Variants in CRYBG1 observed in about 807,000 individuals in gnomAD.
CRYBG1 encodes the protein beta/gamma crystallin domain-containing protein 1.
Under a neutral mutation model 189.2 loss-of-function variants are expected in CRYBG1, and 139 were observed. That is an observed-to-expected ratio of 0.73 (90% CI 0.64 to 0.85). CRYBG1 has a LOEUF of 0.85. Ranked by LOEUF, CRYBG1 falls within the 40% of genes least tolerant of loss-of-function variation. The pLI, the probability that CRYBG1 is intolerant of heterozygous loss-of-function variation, is 0.00. For synonymous variants in CRYBG1, 1,023 were observed against 1,017.1 expected (o/e 1.01, Z -0.11); for missense variants, 2,611 against 2,675.8 (o/e 0.98, Z 0.53).
In CRYBG1 at chr6:106,520,557, A is replaced by C. The variant is rs1413345992; in HGVS notation, c.3349A>C (p.Ser1117Arg). The C allele has an allele frequency of 6.2e-7, 1 of 1,614,026 alleles. No homozygotes were observed. Among genetic ancestry groups the C allele is most frequent in the African/African-American group, 1.3e-5 (1 of 74,934 alleles). ...KFTEIIKQMD[S>R]AVCMPMKRKK... ...CACTGAAATTATAAAACAGATGGAT[A>C]GCGCAGTTTGTATGCCCATGAAAAG... is the stretch of plus-strand genomic sequence containing the variant. The change falls in exon 4 of 22, where the codon AGC (serine) becomes CGC (arginine). Residue 1117 changes from serine to arginine, a missense_variant. Physicochemically the swap from Ser to Arg is moderately radical, Grantham distance 110. This residue lies in a region of CRYBG1 where 1,622 missense variants were observed against 1,735.0 expected (regional missense o/e 0.93). Transcript: ENST00000633556.
intron 8 of CRYBG1, among the ~76,000 whole-genome samples, chr6:106,536,565 G>T (rs1363327377): frequency 6.6e-6 from 1 of 152,334 alleles, no homozygotes; most frequent in East Asian, 1.9e-4. Flanking sequence ...TTAAGAGCAA[G>T]TGAACAAGAT....
At chr6:106,524,363 C>G (rs549136935) in intron 4 of CRYBG1, among the ~76,000 whole-genome samples, 4 of 151,910 alleles carry the variant, frequency 2.6e-5, no homozygotes, top group African/African-American at 9.7e-5. Flanking sequence ...GAGATCGAGA[C>G]CATCCTAGCC....
At chr6:106,394,980 C>A (rs1353297206) in intron 1 of CRYBG1, among the ~76,000 whole-genome samples, 1 of 151,502 alleles carries the variant, frequency 6.6e-6, no homozygotes, top group African/African-American at 2.4e-5. Context: ...CTCAGCCTCC[C>A]AAGTAGCTGG....
chr6:106,541,323 A>G lies in CRYBG1; in HGVS notation c.4846-263A>G, dbSNP rs538553441. On this transcript the variant is annotated intron_variant, in intron 9 of 21. Coordinates refer to ENST00000633556, the MANE Select transcript of CRYBG1 (RefSeq NM_001371242.2). ...ATGGATTTTTATGATAAATTTTCCAAGTTAAAAAAACTTGCTAGGTCAAAA... is the reference window on the plus strand; with the variant it reads ...ATGGATTTTTATGATAAATTTTCCAGGTTAAAAAAACTTGCTAGGTCAAAA... The G allele has an allele frequency of 2.6e-5, 16 of 617,390 alleles. No individual in the cohort carries two copies. The East Asian group carries it at 5.6e-4, about 21-fold the overall frequency. 38.2% of individuals were successfully genotyped at this position (617,390 alleles called of 1,614,324 possible).
chr6:106,399,865 G>A (rs538799232), intron 1 of CRYBG1, among the ~76,000 whole-genome samples: 42 of 151,656 alleles, frequency 2.8e-4, no homozygotes, highest in Non-Finnish European at 1.5e-4. Flanking sequence ...GGCCGGGTGC[G>A]GTGGCTCACA....
chr6:106,519,147 CAT>C lies in CRYBG1; in HGVS notation c.1940_1941del (p.His647ArgfsTer6). The C allele has an allele frequency of 6.2e-7, 1 of 1,613,032 alleles. No homozygotes were observed. The highest frequency in any genetic ancestry group is 8.5e-7 in the Non-Finnish European group (1 of 1,179,452). The stretch of plus-strand genomic sequence containing the variant: ...TCCTCACAGCCCTGCCAAGCCCAAA[CAT>C]GTGGAACTAAATCTTAAAACCCCTA... ...TKVTLPAKPKHVELNLKTPKN... is the reference protein window; with the variant it reads ...TKVTLPAKPKXVELNLKTPKN... On this transcript the variant is annotated frameshift_variant, in exon 4 of 22. Coordinates refer to ENST00000633556, the MANE Select transcript of CRYBG1 (RefSeq NM_001371242.2). LOFTEE classifies it high-confidence loss of function.
intron 1 of CRYBG1, among the ~76,000 whole-genome samples, chr6:106,404,007 C>T (rs1770771741): frequency 6.6e-6 from 1 of 152,230 alleles, no homozygotes; most frequent in Non-Finnish European, 1.5e-5. Context: ...GTTAAGTAAA[C>T]TTGCTCAGAG....
chr6:106,418,717 G>A (rs913176338), intron 1 of CRYBG1, among the ~76,000 whole-genome samples: 5 of 152,220 alleles, frequency 3.3e-5, no homozygotes, highest in Non-Finnish European at 7.3e-5. Flanking sequence ...TTATTCGTCT[G>A]GGGTAATATC....
At chr6:106,420,642 T>TA (rs1771105842) in intron 1 of CRYBG1, 1 of 152,548 alleles carries the variant, frequency 6.6e-6, no homozygotes, top group African/African-American at 2.4e-5. Context: ...ACCTTCAACA[T>TA]ACTCTGAGGG....
chr6:106,544,450 TA>T, intron 11 of CRYBG1, 120 bp from the exon 12 acceptor site: 1 of 1,177,528 alleles, frequency 8.5e-7, no homozygotes, highest in Non-Finnish European at 1.2e-6. Flanking sequence ...CCAATGATAA[TA>T]AAGCAGAAGG....
chr6:106,409,893 A>C (rs578221809), intron 1 of CRYBG1, among the ~76,000 whole-genome samples: 1 of 152,352 alleles, frequency 6.6e-6, no homozygotes, highest in Admixed American at 6.5e-5. Flanking sequence ...TTAAAGACTT[A>C]AATGTAAGAC....
intron 1 of CRYBG1, among the ~76,000 whole-genome samples, chr6:106,418,884 A>G (rs972580): frequency 0.72 from 109,656 of 152,154 alleles, 40,516 homozygotes; most frequent in African/African-American, 0.89. Context: ...GTCCCATGGT[A>G]AAGTGCACGG....
intron 3 of CRYBG1, among the ~76,000 whole-genome samples, chr6:106,515,672 A>AT (rs1222919460): frequency 7.9e-5 from 12 of 152,152 alleles, no homozygotes; most frequent in Admixed American, 1.3e-4. Context: ...AATTTAAGGT[A>AT]TGGGCCTGCA....
intron 2 of CRYBG1, among the ~76,000 whole-genome samples, chr6:106,462,165 T>G (rs190352982): frequency 6.7e-6 from 1 of 149,728 alleles, no homozygotes; most frequent in East Asian, 1.9e-4. Context: ...TTTTTTGTTT[T>G]TTTGTTTTGT....
chr6:106,391,183 G>A (rs803524), intron 1 of CRYBG1, among the ~76,000 whole-genome samples: 131,921 of 152,068 alleles, frequency 0.87, 57,291 homozygotes, highest in East Asian at 0.95. Context: ...CCCAGGTTCA[G>A]TCAATTCTTG....
intron 1 of CRYBG1, among the ~76,000 whole-genome samples, chr6:106,429,080 T>C (rs1330870336): frequency 1.3e-5 from 2 of 152,146 alleles, no homozygotes; most frequent in East Asian, 1.9e-4. Flanking sequence ...AAAACTAATC[T>C]GTAAGGCTGG....
chr6:106,388,713 CAAGTTTATTTCTCAAGTTGTTTCTTTT>C (rs1770438013), intron 1 of CRYBG1, among the ~76,000 whole-genome samples: 1 of 152,084 alleles, frequency 6.6e-6, no homozygotes, highest in Non-Finnish European at 1.5e-5. Flanking sequence ...TTCCAGTTGG[CAAGTTTATTTCTCAAGTTGTTTCTTTT>C]TATGTACTTT....
chr6:106,543,608 G>T lies in CRYBG1; in HGVS notation c.5039+11G>T. On this transcript the variant is annotated intron_variant, in intron 11 of 21. Transcript: ENST00000633556. ...AGTTCTAAGAGGCATGTAAGTACAT[G>T]GGTGACTTGTTAGGATTTCTTTTTT... is the stretch of plus-strand genomic sequence containing the variant. 6.2e-7 allele frequency: 1 copy of T among 1,603,212 alleles called. No homozygotes were observed.
At chr6:106,389,426 C>T (rs532418657) in intron 1 of CRYBG1, among the ~76,000 whole-genome samples, 1 of 152,052 alleles carries the variant, frequency 6.6e-6, no homozygotes, top group Non-Finnish European at 1.5e-5. Context: ...TTTTCTTTTA[C>T]AGAATTCAAT....
Sources: allele counts gnomAD v4.1 joint callset (sites outside exome capture counted in the v4.1 genomes callset), GRCh38; gene constraint gnomAD v4.1.1; regional missense constraint gnomAD v4.1.1; transcripts MANE v1.5; gene names NCBI Gene and HGNC (gene_info 2026-07-23, HGNC 2026-07-21).